KLC1: variants seen among roughly 807,000 people sequenced by gnomAD.
KLC1 encodes the protein kinesin light chain 1.
Under a neutral mutation model 84.2 loss-of-function variants are expected in KLC1, and 30 were observed. The observed-to-expected ratio is 0.36, with a 90% CI of 0.27 to 0.48. The LOEUF (loss-of-function observed/expected upper bound fraction) is 0.48. Ranked by LOEUF, KLC1 falls within the 20% of genes least tolerant of loss-of-function variation. KLC1 has a pLI of 0.99. For missense variants in KLC1, 499 were observed against 805.4 expected, an observed-to-expected ratio of 0.62 and a Z score of 4.60; for synonymous variants, 289 against 293.3, an observed-to-expected ratio of 0.99 and a Z score of 0.15.
rs545728746 is a variant in KLC1, at chr14:103,698,710, T to G, written c.1849-1945T>G. The G allele has an allele frequency of 2.7e-4, 338 of 1,240,706 alleles. 5 individuals carry two copies. In the South Asian group the frequency reaches 4.1e-3, roughly 15 times the overall value. 76.9% of individuals were successfully genotyped at this position (1,240,706 alleles called of 1,614,324 possible). On this transcript the variant is annotated intron_variant, in intron 15 of 16. Coordinates refer to ENST00000334553, the MANE Select transcript of KLC1 (RefSeq NM_001394837.1). ...TGTGTCTGAACCAGGCTCCCAGCTG[T>G]GCCACGGCCCAGGCAGACGCGTTTT...
chr14:103,683,531 T>G (rs2081537613), intron 13 of KLC1: 1 of 152,256 alleles, frequency 6.6e-6, no homozygotes, highest in Non-Finnish European at 1.5e-5. Context: ...TGTGCATGTG[T>G]CAGCCACCAG....
chr14:103,651,032 T>C (rs1010988161), intron 1 of KLC1, among the ~76,000 whole-genome samples: 1 of 150,558 alleles, frequency 6.6e-6, no homozygotes, highest in Non-Finnish European at 1.5e-5. Flanking sequence ...TATTTAGTGA[T>C]GGAGTCTTGC....
chr14:103,673,302 A>G, intron 8 of KLC1, 30 bp from the exon 9 acceptor site: 1 of 1,540,958 alleles, frequency 6.5e-7, no homozygotes, highest in Non-Finnish European at 8.8e-7. Flanking sequence ...TCTGAAAGAT[A>G]TGAAATATTT....
At chr14:103,649,284 A>G (rs1301158414) in intron 1 of KLC1, among the ~76,000 whole-genome samples, 2 of 152,162 alleles carry the variant, frequency 1.3e-5, no homozygotes, top group African/African-American at 4.8e-5. Flanking sequence ...AGAGAAAAAC[A>G]TGAAAACCAC....
At chr14:103,695,339 G>A (rs1413385956) in intron 15 of KLC1, 2 of 380,254 alleles carry the variant, frequency 5.3e-6, no homozygotes, top group South Asian at 1.0e-4. Flanking sequence ...GTGTGTGTGT[G>A]TATATATATA....
At chr14:103,649,717 A>ACGCG (rs1042784464) in intron 1 of KLC1, among the ~76,000 whole-genome samples, 3 of 148,356 alleles carry the variant, frequency 2.0e-5, no homozygotes, top group African/African-American at 7.5e-5. Context: ...TTTTTTCGAG[A>ACGCG]CGGAGTCTCG....
chr14:103,647,856 C>T (rs2078069177), intron 1 of KLC1, among the ~76,000 whole-genome samples: 1 of 140,064 alleles, frequency 7.1e-6, no homozygotes, highest in Non-Finnish European at 1.5e-5. Context: ...AGCCTGGCGA[C>T]AGAGCAAGAC....
At chr14:103,645,246 T>C (rs1389977282) in intron 1 of KLC1, among the ~76,000 whole-genome samples, 2 of 152,184 alleles carry the variant, frequency 1.3e-5, no homozygotes, top group African/African-American at 4.8e-5. Context: ...GTGCTGGGAC[T>C]ACAGGCGGGA....
intron 14 of KLC1, among the ~76,000 whole-genome samples, chr14:103,690,564 C>CT (rs1477651296): frequency 1.3e-5 from 2 of 152,350 alleles, no homozygotes; most frequent in East Asian, 3.9e-4. Context: ...CCTGTCACCC[C>CT]TCAAGCCTGT....
At position 103,629,479 on chromosome 14, in the gene KLC1, C is replaced by T. The variant is rs1467015816; in HGVS notation, c.-17C>T. 1 of 152,430 alleles carries T rather than the reference C, an allele frequency of 6.6e-6. No individual in the cohort carries two copies. Among genetic ancestry groups the T allele is most frequent in the African/African-American group, 2.4e-5 (1 of 41,456 alleles). The allele number at this position is 152,430 out of a possible 1,614,324, so 9.4% of individuals were successfully genotyped here. ...TGCTGACAGCGCGAGAGAGCGCGGC[C>T]CTCAGGAGCAAGGCGGTGAGTCCCC... On this transcript the variant is annotated 5_prime_UTR_variant, in exon 1 of 17. Transcript: ENST00000334553.
In KLC1 at chr14:103,672,982, A is replaced by G. The variant is rs756703006; in HGVS notation, c.988-32A>G. 2.5e-6 allele frequency: 4 copies of G among 1,600,724 alleles called. No individual in the cohort carries two copies. In the South Asian group the frequency reaches 3.3e-5, roughly 13 times the overall value. ...GAATGGATTGGATGGAAGCAGAACA[A>G]GTGTCTCTAATATGCTGTTTTTTAT... On this transcript the variant is annotated intron_variant, in intron 7 of 16. Coordinates refer to ENST00000334553, the MANE Select transcript of KLC1 (RefSeq NM_001394837.1).
chr14:103,672,946 A>G (rs1033332443), intron 7 of KLC1, 68 bp from the exon 8 acceptor site: 2 of 1,390,260 alleles, frequency 1.4e-6, no homozygotes, highest in Non-Finnish European at 2.0e-6. Flanking sequence ...CTGATGTGAC[A>G]GTAGGGTGGA....
chr14:103,629,358 G>C lies in KLC1; in HGVS notation c.-138G>C, dbSNP rs977321141. 6.6e-6 allele frequency: 1 copy of C among 152,330 alleles called. No individual in the cohort carries two copies. Among genetic ancestry groups the C allele is most frequent in the Admixed American group, 6.5e-5 (1 of 15,282 alleles). The allele number at this position is 152,330 out of a possible 1,614,324, so 9.4% of individuals were successfully genotyped here. ...GATGCTGCGGGGCGGTAGCTCCGGCGCCCCTAGCTGGTGACTGCTGCGCCG... is the reference window on the plus strand; with the variant it reads ...GATGCTGCGGGGCGGTAGCTCCGGCCCCCCTAGCTGGTGACTGCTGCGCCG... On this transcript the variant is annotated 5_prime_UTR_variant, in exon 1 of 17. Coordinates refer to ENST00000334553, the MANE Select transcript of KLC1 (RefSeq NM_001394837.1).
chr14:103,631,144 G>C (rs907831810), intron 1 of KLC1, among the ~76,000 whole-genome samples: 1 of 151,452 alleles, frequency 6.6e-6, no homozygotes, highest in Non-Finnish European at 1.5e-5. Context: ...GTAGTGGCGC[G>C]ATCTCGGCTC....
chr14:103,695,376 C>A, intron 15 of KLC1: 1 of 812,076 alleles, frequency 1.2e-6, no homozygotes, highest in Non-Finnish European at 1.5e-6. Flanking sequence ...CATATATATA[C>A]ATATATAATT....
At chr14:103,686,298 G>C (rs1184299144) in intron 13 of KLC1, 2 of 849,340 alleles carry the variant, frequency 2.4e-6, no homozygotes, top group Non-Finnish European at 2.8e-6. Flanking sequence ...TGGCACAGCT[G>C]CTAGGGGTCA....
At chr14:103,680,431 C>G (rs2081259643) in intron 13 of KLC1, among the ~76,000 whole-genome samples, 1 of 152,182 alleles carries the variant, frequency 6.6e-6, no homozygotes, top group African/African-American at 2.4e-5. Flanking sequence ...AGATGTTCTG[C>G]CAAATTGTAG....
chr14:103,690,642 G>A (rs534263420), intron 14 of KLC1, among the ~76,000 whole-genome samples: 348 of 152,108 alleles, frequency 2.3e-3, no homozygotes, highest in Middle Eastern at 0.01. Context: ...GCTGTCCCAT[G>A]TTGCATGCAG....
intron 2 of KLC1, among the ~76,000 whole-genome samples, chr14:103,656,506 CTAGTT>C (rs975492555): frequency 3.3e-5 from 5 of 152,162 alleles, no homozygotes; most frequent in African/African-American, 9.7e-5. Flanking sequence ...TTAGCATTCT[CTAGTT>C]TAGTGAGTGA....
Sources: gnomAD v4.1 joint callset for allele counts (sites outside exome capture counted in the v4.1 genomes callset) on GRCh38, gnomAD v4.1.1 for gene constraint, MANE v1.5 for transcripts, NCBI Gene and HGNC (gene_info 2026-07-23, HGNC 2026-07-21) for gene names.